The following PTK2B variants were observed in gnomAD, a reference collection of about 807,000 sequenced individuals.
PTK2B encodes the protein protein tyrosine kinase 2 beta.
A neutral mutation model predicts 142.9 loss-of-function variants in PTK2B; 71 were observed. The ratio of observed to expected loss-of-function variants is 0.50; its 90% CI spans 0.41 to 0.61. The LOEUF is 0.61. Among genes scored for constraint, PTK2B ranks in the 20% least tolerant of loss-of-function variants. PTK2B has a pLI of 0.00. For missense variants in PTK2B, 1,105 were observed against 1,320.4 expected, an observed-to-expected ratio of 0.84 and a Z score of 2.53; for synonymous variants, 519 against 503.4, an observed-to-expected ratio of 1.03 and a Z score of -0.42.
At chr8:27,347,609 A>C (rs1804793864) in intron 1 of PTK2B, among the ~76,000 whole-genome samples, 1 of 151,992 alleles carries the variant, frequency 6.6e-6, no homozygotes, top group African/African-American at 2.4e-5. Flanking sequence ...TCTGTGTCTT[A>C]ATCTCCTCCT....
intron 1 of PTK2B, among the ~76,000 whole-genome samples, chr8:27,397,058 C>T (rs1212843230): frequency 6.6e-6 from 1 of 152,216 alleles, no homozygotes; most frequent in African/African-American, 2.4e-5. Context: ...CCTTTCCTGC[C>T]TTCTCCATTC....
chr8:27,339,268 GC>G (rs1464765313), intron 1 of PTK2B, among the ~76,000 whole-genome samples: 1 of 152,206 alleles, frequency 6.6e-6, no homozygotes, highest in African/African-American at 2.4e-5. Context: ...TCTTGGGTGG[GC>G]CCCCCAGCTC....
intron 24 of PTK2B, among the ~76,000 whole-genome samples, chr8:27,447,082 G>T (rs1183987575): frequency 6.6e-6 from 1 of 152,176 alleles, no homozygotes; most frequent in Non-Finnish European, 1.5e-5. Context: ...GCTTTAAATT[G>T]TGTTATTTTA....
intron 20 of PTK2B, among the ~76,000 whole-genome samples, chr8:27,439,861 C>T (rs1243991985): frequency 6.6e-6 from 1 of 152,140 alleles, no homozygotes; most frequent in African/African-American, 2.4e-5. Flanking sequence ...TCAGATGAGT[C>T]AGGAGCCTGC....
upstream of PTK2B, among the ~76,000 whole-genome samples, chr8:27,323,777 G>A (rs768545372): frequency 3.3e-5 from 5 of 152,152 alleles, no homozygotes; most frequent in Non-Finnish European, 5.9e-5. Context: ...CATTTAAAAA[G>A]CTATGGGTTT....
chr8:27,355,388 G>T (rs1427473772), intron 1 of PTK2B, among the ~76,000 whole-genome samples: 1 of 152,158 alleles, frequency 6.6e-6, no homozygotes, highest in Non-Finnish European at 1.5e-5. Context: ...TTTTGAAGAT[G>T]GAGGAAGGAA....
chr8:27,337,797 T>C (rs1804165919), intron 1 of PTK2B, among the ~76,000 whole-genome samples: 1 of 152,264 alleles, frequency 6.6e-6, no homozygotes, highest in African/African-American at 2.4e-5. Flanking sequence ...TTCCACTTTT[T>C]GACCATTGTA....
At chr8:27,406,167 C>G (rs1392031705) in intron 2 of PTK2B, among the ~76,000 whole-genome samples, 2 of 152,206 alleles carry the variant, frequency 1.3e-5, no homozygotes, top group Non-Finnish European at 2.9e-5. Context: ...TTCACGTGGA[C>G]TTCTCCTCTC....
chr8:27,445,674 A>T, intron 23 of PTK2B, 120 bp from the exon 24 acceptor site: 1 of 1,424,046 alleles, frequency 7.0e-7, no homozygotes, highest in East Asian at 2.3e-5. Flanking sequence ...ACTCCTGGAG[A>T]GCAAGCCCCA....
At chr8:27,325,227 A>G (rs902598964), upstream of PTK2B, 1 of 151,862 alleles carries the variant, frequency 6.6e-6, no homozygotes, top group African/African-American at 2.4e-5. Flanking sequence ...GCCCCCACCC[A>G]CCTCACACAC....
In PTK2B at chr8:27,430,436, C is replaced by G; in HGVS notation, c.669+18C>G. On this transcript the variant is annotated intron_variant, in intron 7 of 30. Coordinates refer to ENST00000346049, the MANE Select transcript of PTK2B (RefSeq NM_173176.3). ...ACTTAAAGGTGAGGAAACCAATGGG[C>G]GAGGACCTCTTCGTGCTGATTCCCG... 6.2e-7 allele frequency: 1 copy of G among 1,613,744 alleles called. No homozygotes were observed. The highest frequency in any genetic ancestry group is 8.5e-7 in the Non-Finnish European group (1 of 1,179,694).
intron 1 of PTK2B, among the ~76,000 whole-genome samples, chr8:27,361,422 C>G (rs1411582042): frequency 3.3e-5 from 5 of 152,100 alleles, no homozygotes; most frequent in Non-Finnish European, 7.4e-5. Flanking sequence ...GGGGGTCTCA[C>G]TTTGTTGCTC....
At chr8:27,342,289 C>G (rs1399623232) in intron 1 of PTK2B, among the ~76,000 whole-genome samples, 1 of 146,016 alleles carries the variant, frequency 6.8e-6, no homozygotes, top group Non-Finnish European at 1.5e-5. Flanking sequence ...TACTTTGTTC[C>G]TTTTTTTTTT....
At chr8:27,406,870 T>C (rs1316426053) in intron 2 of PTK2B, among the ~76,000 whole-genome samples, 1 of 152,200 alleles carries the variant, frequency 6.6e-6, no homozygotes, top group African/African-American at 2.4e-5. Context: ...CTGCCCCTCC[T>C]GCTCTGAGGC....
intron 2 of PTK2B, among the ~76,000 whole-genome samples, chr8:27,402,990 G>A (rs773411507): frequency 3.3e-5 from 5 of 152,256 alleles, no homozygotes; most frequent in Non-Finnish European, 7.3e-5. Flanking sequence ...GCTTTGCTGT[G>A]TAGTGCCTGT....
upstream of PTK2B, chr8:27,323,161 A>T (rs908449608): frequency 3.3e-5 from 5 of 152,282 alleles, no homozygotes; most frequent in African/African-American, 1.2e-4. Flanking sequence ...GAATAGGAAA[A>T]AAGTTTGTGG....
At chr8:27,384,462 C>CA (rs1807220436) in intron 1 of PTK2B, among the ~76,000 whole-genome samples, 1 of 152,130 alleles carries the variant, frequency 6.6e-6, no homozygotes, top group Admixed American at 6.5e-5. Context: ...ATGTCATCTG[C>CA]AAAGAGGAAC....
At chr8:27,405,641 G>A (rs73570146) in intron 2 of PTK2B, among the ~76,000 whole-genome samples, 131 of 152,330 alleles carry the variant, frequency 8.6e-4, no homozygotes, top group African/African-American at 3.0e-3. Flanking sequence ...CCCCCACACA[G>A]ACACCTACAG....
intron 1 of PTK2B, among the ~76,000 whole-genome samples, chr8:27,328,144 C>T (rs1233702407): frequency 1.3e-5 from 2 of 152,192 alleles, no homozygotes; most frequent in Non-Finnish European, 2.9e-5. Context: ...GGAGATATAA[C>T]ACTCTTCTTG....
Sources: gnomAD v4.1 joint callset for allele counts (sites outside exome capture counted in the v4.1 genomes callset) on GRCh38, gnomAD v4.1.1 for gene constraint, MANE v1.5 for transcripts, NCBI Gene and HGNC (gene_info 2026-07-23, HGNC 2026-07-21) for gene names.